The following GRIN2A variants were observed in gnomAD, a reference collection of about 807,000 sequenced individuals.
The protein encoded by GRIN2A is glutamate ionotropic receptor NMDA type subunit 2A, also known as glutamate receptor ionotropic, NMDA 2A.
A neutral mutation model predicts 113.4 loss-of-function variants in GRIN2A; 22 were observed. The ratio of observed to expected loss-of-function variants is 0.19; its 90% confidence interval spans 0.14 to 0.28. The LOEUF (loss-of-function observed/expected upper bound fraction) is 0.28. Among genes scored for constraint, GRIN2A ranks in the 10% least tolerant of loss-of-function variants. GRIN2A has a pLI of 1.00. For synonymous variants in GRIN2A, 827 were observed against 738.4 expected (o/e 1.12, Z -1.94); for missense variants, 1,502 against 1,887.0 (o/e 0.80, Z 3.78).
chr16:9,976,475 TGA>T (rs2045775563), intron 2 of GRIN2A, among the ~76,000 whole-genome samples: 1 of 152,200 alleles, frequency 6.6e-6, no homozygotes, highest in Non-Finnish European at 1.5e-5. Context: ...CTCTGTTCTG[TGA>T]GTCTTTTATT....
chr16:9,900,938 G>A (rs1271158954), intron 3 of GRIN2A, among the ~76,000 whole-genome samples: 1 of 152,204 alleles, frequency 6.6e-6, no homozygotes, highest in Non-Finnish European at 1.5e-5. Flanking sequence ...CTGTGCCTAT[G>A]CTGCCAAATT....
chr16:9,896,053 C>CT (rs35262828), intron 3 of GRIN2A, among the ~76,000 whole-genome samples: 4,451 of 147,026 alleles, frequency 0.03, 236 homozygotes, highest in African/African-American at 0.1. Context: ...GTCACAGCAA[C>CT]TTTTTTTTTT....
chr16:9,835,670 CAT>C (rs979801560), intron 7 of GRIN2A, among the ~76,000 whole-genome samples: 3 of 152,012 alleles, frequency 2.0e-5, no homozygotes, highest in African/African-American at 7.2e-5. Context: ...GAATAGTAAA[CAT>C]ATTATTATTT....
chr16:10,044,594 A>G (rs570980452), intron 2 of GRIN2A, among the ~76,000 whole-genome samples: 2 of 150,478 alleles, frequency 1.3e-5, no homozygotes, highest in African/African-American at 4.9e-5. Context: ...TTTGCTTTTG[A>G]AAAGTTTTTA....
intron 2 of GRIN2A, among the ~76,000 whole-genome samples, chr16:10,129,961 G>A (rs904180862): frequency 6.6e-6 from 1 of 152,236 alleles, no homozygotes; most frequent in African/African-American, 2.4e-5. Context: ...GTTAAGGGCA[G>A]AGCTAGAAGC....
At position 9,822,266 on chromosome 16, in the gene GRIN2A, C is replaced by T. The variant is rs761873363; in HGVS notation, c.2166G>A (p.Thr722=). 6.2e-6 allele frequency: 10 copies of T among 1,613,680 alleles called. No homozygotes were observed. Among genetic ancestry groups the T allele is most frequent in the Middle Eastern group, 1.6e-4 (1 of 6,080 alleles). The change falls in exon 10 of 13, where the codon ACG becomes ACA. Residue 722 remains threonine, a splice_region_variant and synonymous_variant. Coordinates refer to ENST00000330684, the MANE Select transcript of GRIN2A (RefSeq NM_001134407.3). ...GAAAAGGAAACTGCCATCCTTACCC[C>T]GTTTTCAGGCTGACCAAGGCGTCCT... ...GVEDALVSLK[T]GKLDAFIYDA...
rs1200946458 is a variant in GRIN2A at position 10,041,001 on chromosome 16, C to A, written c.415-102450G>T. Among the ~76,000 whole-genome samples the A allele has an allele frequency of 2.6e-5, 4 of 152,384 alleles. No homozygotes were observed. In the East Asian group the frequency reaches 7.7e-4, roughly 29 times the overall value. The stretch of plus-strand genomic sequence containing the variant: ...CTCTGCCTCCACCTGACATCAAAGC[C>A]CCCTGGCAAAGTAACCCAGGTTAAG... On this transcript the variant is annotated intron_variant, in intron 2 of 12. Transcript: ENST00000330684.
At chr16:10,098,874 C>T (rs2048343689) in intron 2 of GRIN2A, among the ~76,000 whole-genome samples, 1 of 151,580 alleles carries the variant, frequency 6.6e-6, no homozygotes, top group Non-Finnish European at 1.5e-5. Flanking sequence ...GATGGGTGCA[C>T]CAAAATCTCA....
chr16:10,139,068 C>T (rs1567327031), intron 2 of GRIN2A, among the ~76,000 whole-genome samples: 1 of 152,172 alleles, frequency 6.6e-6, no homozygotes, highest in African/African-American at 2.4e-5. Context: ...TGTGAAATGC[C>T]TCAGAACACC....
chr16:10,015,709 TG>T (rs1476971957), intron 2 of GRIN2A, among the ~76,000 whole-genome samples: 1 of 152,174 alleles, frequency 6.6e-6, no homozygotes, highest in Non-Finnish European at 1.5e-5. Context: ...AAACATTTAT[TG>T]GGAACATACT....
intron 2 of GRIN2A, among the ~76,000 whole-genome samples, chr16:9,943,968 C>A (rs1478354295): frequency 6.6e-6 from 1 of 152,136 alleles, no homozygotes; most frequent in Non-Finnish European, 1.5e-5. Context: ...ATCTTTAAAG[C>A]CAAGTACAAT....
At position 9,763,667 on chromosome 16, in the gene GRIN2A, C is replaced by A. The variant is rs778230379; in HGVS notation, c.3877G>T (p.Asp1293Tyr). The A allele has an allele frequency of 3.1e-6, 5 of 1,613,646 alleles. No homozygotes were observed. The highest frequency in any genetic ancestry group is 4.2e-6 in the Non-Finnish European group (5 of 1,179,986). ...KLRISRQHSY[D>Y]NIVDKPRELD... is the part of the protein sequence containing the mutation. ...TCCCTAGGTTTGTCGACAATGTTAT[C>A]GTAGGAATGCTGACGGCTAATCCTT... Residue 1293 changes from aspartate (D) to tyrosine (Y), a missense_variant, in exon 13 of 13, where the codon GAT becomes TAT. Asp to Tyr is a radical substitution (Grantham distance 160, BLOSUM62 -3). Coordinates refer to ENST00000330684, the MANE Select transcript of GRIN2A (RefSeq NM_001134407.3).
chr16:9,768,577 C>T (rs1459703244), intron 12 of GRIN2A, among the ~76,000 whole-genome samples: 1 of 152,224 alleles, frequency 6.6e-6, no homozygotes, highest in African/African-American at 2.4e-5. Flanking sequence ...CGTTCTCTCA[C>T]TTTGATACTG....
rs866690516 is a variant in GRIN2A at position 9,758,826 on chromosome 16, C to T, written c.*4323G>A. 8 of 214,924 alleles carry T rather than the reference C, an allele frequency of 3.7e-5. No homozygotes were observed. Among genetic ancestry groups the T allele is most frequent in the Non-Finnish European group, 7.5e-5 (8 of 106,592 alleles). 13.3% of individuals were successfully genotyped at this position (214,924 alleles called of 1,614,324 possible). ...ACCCCACAGCACTTTCAACCCTGTT[C>T]ACCAAAAAGAGATGGGGTATCTGGA... On this transcript the variant is annotated 3_prime_UTR_variant, in exon 13 of 13. Transcript: ENST00000330684.
At chr16:10,108,896 A>G (rs2048551872) in intron 2 of GRIN2A, among the ~76,000 whole-genome samples, 1 of 152,138 alleles carries the variant, frequency 6.6e-6, no homozygotes, top group Non-Finnish European at 1.5e-5. Flanking sequence ...GGCAAGAGAA[A>G]GGTGAAGCCA....
chr16:10,051,598 G>T (rs1349969104), intron 2 of GRIN2A, among the ~76,000 whole-genome samples: 1 of 152,126 alleles, frequency 6.6e-6, no homozygotes, highest in Admixed American at 6.6e-5. Context: ...TGTCTGAGGG[G>T]GTGTATCAGG....
chr16:9,864,736 G>A (rs1484782144), intron 4 of GRIN2A, among the ~76,000 whole-genome samples: 1 of 152,168 alleles, frequency 6.6e-6, no homozygotes, highest in Non-Finnish European at 1.5e-5. Context: ...CAGTGGAACA[G>A]CATTTCATCC....
At chr16:10,169,422 A>T (rs1219566274) in intron 2 of GRIN2A, among the ~76,000 whole-genome samples, 1 of 152,168 alleles carries the variant, frequency 6.6e-6, no homozygotes, top group East Asian at 1.9e-4. Context: ...GATCTCTATC[A>T]TTGTTGTTTG....
chr16:9,830,435 G>A (rs1473087299), intron 8 of GRIN2A, among the ~76,000 whole-genome samples: 1 of 140,124 alleles, frequency 7.1e-6, no homozygotes, highest in Admixed American at 7.4e-5. Flanking sequence ...TATGCAGGCT[G>A]TAAAACACAC....
Sources: allele counts gnomAD v4.1 joint callset (sites outside exome capture counted in the v4.1 genomes callset), GRCh38; gene constraint gnomAD v4.1.1; transcripts MANE v1.5; gene names NCBI Gene and HGNC (gene_info 2026-07-23, HGNC 2026-07-21).